RIC1: variants seen among roughly 807,000 people sequenced by gnomAD.
RIC1 encodes guanine nucleotide exchange factor subunit RIC1.
A neutral mutation model predicts 169.0 loss-of-function variants in RIC1; 88 were observed. That is an observed-to-expected ratio of 0.52 (90% CI 0.44 to 0.62). The LOEUF is 0.62. Among genes scored for constraint, RIC1 ranks in the 20% least tolerant of loss-of-function variants. The probability of loss-of-function intolerance (pLI) is 0.00; values close to 1 mark genes in which losing one functional copy is unlikely to be tolerated. For synonymous variants in RIC1, 790 were observed against 601.5 expected (o/e 1.31, Z -4.59); for missense variants, 1,877 against 1,725.5 (o/e 1.09, Z -1.56).
intron 1 of RIC1, among the ~76,000 whole-genome samples, chr9:5,639,936 C>A (rs1310106615): frequency 1.3e-5 from 2 of 152,066 alleles, no homozygotes. Context: ...TTTTTCATCC[C>A]CTTATTTTCA....
At chr9:5,753,272 T>G (rs377632875) in intron 13 of RIC1, 34 bp downstream of exon 13, 1 of 1,600,758 alleles carries the variant, frequency 6.2e-7, no homozygotes, top group African/African-American at 1.3e-5. Flanking sequence ...TAACTTTTGT[T>G]GACTAGCATT....
At chr9:5,658,468 T>G (rs1281742447) in intron 2 of RIC1, among the ~76,000 whole-genome samples, 1 of 152,120 alleles carries the variant, frequency 6.6e-6, no homozygotes, top group African/African-American at 2.4e-5. Flanking sequence ...GTTATAATAC[T>G]GCTCAGTTGT....
chr9:5,756,336 C>T lies in RIC1; in HGVS notation c.1817C>T (p.Ser606Leu), dbSNP rs560862126. Reference sequence around the variant, plus strand: ...GTAATAGTATTTAGAGCAGACTGTTCAATATGCCTTTACAGTATTGAAAGA... The same window carrying T: ...GTAATAGTATTTAGAGCAGACTGTTTAATATGCCTTTACAGTATTGAAAGA... ...DMVIVFRADC[S>L]ICLYSIERKS... is the part of the protein sequence containing the mutation. The change falls in exon 16 of 26, where the codon TCA becomes TTA. Residue 606 changes from serine to leucine, a missense_variant. Physicochemically the swap from Ser to Leu is moderately radical, Grantham distance 145. Around this residue, in one of 3 missense-constraint regions of RIC1, gnomAD observed 1,104 missense variants for 992.0 expected, o/e 1.11. Coordinates refer to ENST00000414202, the MANE Select transcript of RIC1 (RefSeq NM_020829.4). 5.8e-6 allele frequency: 9 copies of T among 1,562,700 alleles called. No individual in the cohort carries two copies. In the South Asian group the frequency reaches 8.5e-5, roughly 15 times the overall value.
chr9:5,754,493 C>A (rs1246227674), intron 14 of RIC1, among the ~76,000 whole-genome samples: 1 of 152,106 alleles, frequency 6.6e-6, no homozygotes, highest in Non-Finnish European at 1.5e-5. Context: ...CTTTGGGAGG[C>A]CGAAGCAGGC....
intron 2 of RIC1, among the ~76,000 whole-genome samples, chr9:5,660,624 T>G (rs1055770062): frequency 1.3e-5 from 2 of 152,230 alleles, no homozygotes; most frequent in African/African-American, 4.8e-5. Flanking sequence ...CTTTTTAAAA[T>G]GTATTTGTTG....
At chr9:5,666,696 A>G (rs4742113) in intron 2 of RIC1, among the ~76,000 whole-genome samples, 45,723 of 152,068 alleles carry the variant, frequency 0.3, 8,012 homozygotes, top group East Asian at 0.6. Context: ...TGATTTTCCT[A>G]CATTGAATCA....
At chr9:5,637,480 ATAGT>A (rs1818026290) in intron 1 of RIC1, among the ~76,000 whole-genome samples, 1 of 152,232 alleles carries the variant, frequency 6.6e-6, no homozygotes, top group Non-Finnish European at 1.5e-5. Flanking sequence ...ATATGTACTC[ATAGT>A]TATTTTAAAA....
chr9:5,680,932 T>C (rs1425363638), intron 2 of RIC1, among the ~76,000 whole-genome samples: 8 of 141,828 alleles, frequency 5.6e-5, no homozygotes, highest in Admixed American at 5.1e-4. Flanking sequence ...GTTCACGCCA[T>C]TCTCCTGCCT....
chr9:5,689,298 G>T (rs537540853), intron 2 of RIC1, among the ~76,000 whole-genome samples: 3 of 151,876 alleles, frequency 2.0e-5, no homozygotes, highest in African/African-American at 7.3e-5. Flanking sequence ...TGATCTGCCC[G>T]CCTTGGCCTC....
At chr9:5,716,225 A>G (rs752782969) in intron 4 of RIC1, among the ~76,000 whole-genome samples, 18 of 152,218 alleles carry the variant, frequency 1.2e-4, no homozygotes, top group South Asian at 2.1e-4. Context: ...AATGAAGTCA[A>G]TGATTGAAGA....
intron 2 of RIC1, among the ~76,000 whole-genome samples, chr9:5,661,100 C>T (rs79102682): frequency 6.6e-6 from 1 of 152,158 alleles, no homozygotes; most frequent in Non-Finnish European, 1.5e-5. Context: ...GGAATCCTTT[C>T]CCCATTGCTT....
chr9:5,726,875 A>G lies in RIC1; in HGVS notation c.721-5513A>G, dbSNP rs551347513. 3.3e-5 allele frequency among the ~76,000 whole-genome samples: 5 copies of G among 152,314 alleles called. No individual in the cohort carries two copies. In the South Asian group the frequency reaches 8.3e-4, roughly 25 times the overall value. On this transcript the variant is annotated intron_variant, in intron 6 of 25. Coordinates refer to ENST00000414202, the MANE Select transcript of RIC1 (RefSeq NM_020829.4). Reference sequence around the variant, plus strand: ...ATTCTTTTCTATAAGAATGTTGAATATTGGCCCCCACTATCTTCTGGCTTG... The same window carrying G: ...ATTCTTTTCTATAAGAATGTTGAATGTTGGCCCCCACTATCTTCTGGCTTG...
At chr9:5,638,098 A>C (rs1039389903) in intron 1 of RIC1, among the ~76,000 whole-genome samples, 3 of 152,148 alleles carry the variant, frequency 2.0e-5, no homozygotes, top group Non-Finnish European at 1.5e-5. Context: ...CATCAGTTGA[A>C]ATGATCATAT....
chr9:5,773,962 G>C lies in RIC1; in HGVS notation c.3988G>C (p.Gly1330Arg), dbSNP rs1475907398. ...ATGTTTTTTTTCTCTACATAGTCCT[G>C]GATATAAGCCATTTTTAAACATCAT... ...VDRWASTDCP[G>R]YKPFLNIIKP... The change falls in exon 26 of 26, where the codon GGA becomes CGA. Residue 1330 changes from glycine to arginine, a missense_variant. Gly to Arg is a moderately radical substitution (Grantham distance 125, BLOSUM62 -2). Around this residue, in one of 3 missense-constraint regions of RIC1, gnomAD observed 681 missense variants for 582.0 expected, o/e 1.17. Coordinates refer to ENST00000414202, the MANE Select transcript of RIC1 (RefSeq NM_020829.4). 1 of 1,599,862 alleles carries C rather than the reference G, an allele frequency of 6.3e-7. No homozygotes were observed. The highest frequency in any genetic ancestry group is 8.5e-7 in the Non-Finnish European group (1 of 1,173,834).
chr9:5,759,133 G>C (rs574050259), intron 17 of RIC1, among the ~76,000 whole-genome samples: 1 of 152,236 alleles, frequency 6.6e-6, no homozygotes, highest in Admixed American at 6.5e-5. Context: ...TAACCAGTTA[G>C]TCCTAATTGA....
chr9:5,755,951 TAAAG>T (rs940986113), intron 15 of RIC1, among the ~76,000 whole-genome samples: 16 of 151,102 alleles, frequency 1.1e-4, no homozygotes, highest in Non-Finnish European at 2.4e-4. Flanking sequence ...AATAAATAAA[TAAAG>T]CAGGTCTAAA....
intron 6 of RIC1, among the ~76,000 whole-genome samples, chr9:5,722,348 A>AGAGTGTGTGT (rs374028302): frequency 3.6e-4 from 47 of 131,336 alleles, no homozygotes; most frequent in African/African-American, 1.1e-3. Context: ...AGAGAGAGAG[A>AGAGTGTGTGT]GTGTGTGTGT....
intron 16 of RIC1, among the ~76,000 whole-genome samples, chr9:5,756,642 T>C (rs1826034420): frequency 6.6e-6 from 1 of 152,176 alleles, no homozygotes; most frequent in Non-Finnish European, 1.5e-5. Context: ...ATACTAAATT[T>C]TTTTTCACAA....
At chr9:5,769,427 GTAAA>G (rs757107999) in intron 22 of RIC1, 171 bp downstream of exon 22, 1 of 1,531,764 alleles carries the variant, frequency 6.5e-7, no homozygotes, top group East Asian at 2.4e-5. Flanking sequence ...GACCAAAGAT[GTAAA>G]TAAAGTAGAA....
Sources: gnomAD v4.1 joint callset for allele counts (sites outside exome capture counted in the v4.1 genomes callset) on GRCh38, gnomAD v4.1.1 for gene constraint, gnomAD v4.1.1 regional missense constraint, MANE v1.5 for transcripts, NCBI Gene and HGNC (gene_info 2026-07-23, HGNC 2026-07-21) for gene names.